Variants in NCR1 observed in about 807,000 individuals in gnomAD.
NCR1 encodes the protein natural cytotoxicity triggering receptor 1, also known as NK cell-activating receptor.
A neutral mutation model predicts 32.5 loss-of-function variants in NCR1; 30 were observed. The observed-to-expected ratio is 0.92, with a 90% confidence interval of 0.69 to 1.25. NCR1 has a LOEUF of 1.25. NCR1 is among the 50% of genes most tolerant of loss of function. The pLI is 0.00. For synonymous variants in NCR1, 169 were observed against 143.4 expected, an observed-to-expected ratio of 1.18 and a Z score of -1.28; for missense variants, 369 against 380.7, an observed-to-expected ratio of 0.97 and a Z score of 0.26.
upstream of NCR1, among the ~76,000 whole-genome samples, chr19:54,903,343 CATAT>C (rs917627256): frequency 9.1e-6 from 1 of 109,884 alleles, no homozygotes; most frequent in African/African-American, 4.4e-5. Flanking sequence ...TATGTATATA[CATAT>C]ATGCATATAT....
chr19:54,920,360 A>T (rs1242719183), downstream of NCR1, among the ~76,000 whole-genome samples: 1 of 152,162 alleles, frequency 6.6e-6, no homozygotes, highest in Non-Finnish European at 1.5e-5. Flanking sequence ...GCTGCTATAC[A>T]TCACGTGATA....
downstream of NCR1, chr19:54,916,181 G>C (rs1051805376): frequency 2.0e-5 from 3 of 152,010 alleles, no homozygotes; most frequent in Non-Finnish European, 4.4e-5. Flanking sequence ...GAAACACCAA[G>C]GGCCTGGAAC....
the NCR1 span, among the ~76,000 whole-genome samples, chr19:54,922,811 CAG>C: frequency 0.11 from 14,587 of 138,316 alleles, 954 homozygotes; most frequent in Middle Eastern, 0.26. Context: ...AACGAAAGAA[CAG>C]AGAGACACAT....
the NCR1 span, among the ~76,000 whole-genome samples, chr19:54,935,494 G>A: frequency 5.5e-4 from 84 of 152,142 alleles, no homozygotes; most frequent in Middle Eastern, 3.4e-3. Flanking sequence ...TCAGGAGTTC[G>A]AGACCAGCCT....
chr19:54,933,473 T>G, the NCR1 span: 2 of 1,490,212 alleles, frequency 1.3e-6, no homozygotes, highest in Non-Finnish European at 1.9e-6. Context: ...CTTACCAGGT[T>G]TTTAAAAGTT....
chr19:54,927,761 G>A, the NCR1 span: 6 of 1,613,890 alleles, frequency 3.7e-6, no homozygotes, highest in African/African-American at 4.0e-5. Context: ...AGGCATGAGG[G>A]AGCAGCTCCA....
rs1321191576 is a variant in NCR1 at position 54,912,723 on chromosome 19, TC to T, written c.769del (p.Leu257PhefsTer8). 6.3e-7 allele frequency: 1 copy of T among 1,588,542 alleles called. No individual in the cohort carries two copies. Among genetic ancestry groups the T allele is most frequent in the Admixed American group, 1.7e-5 (1 of 58,994 alleles). On this transcript the variant is annotated frameshift_variant, in exon 7 of 7. Coordinates refer to ENST00000291890, the MANE Select transcript of NCR1 (RefSeq NM_004829.7). LOFTEE classifies it low-confidence loss of function (END_TRUNC). Reference protein sequence around the residue: ...HALWDHTAQNLLRMGLAFLVL... With the variant: ...HALWDHTAQNXLRMGLAFLVL... ...CTCTGGGATCACACTGCCCAGAATC[TC>T]CTTCGGATGGGCCTGGCCTTTCTAG...
Position 54,906,657 on chromosome 19 carries a change from G to A in NCR1, c.205G>A (p.Val69Met), listed in dbSNP as rs759907409. 9.9e-6 allele frequency: 16 copies of A among 1,614,022 alleles called. No individual in the cohort carries two copies. Among genetic ancestry groups the A allele is most frequent in the South Asian group, 5.5e-5 (5 of 91,088 alleles). ...QLHFEGSLFA[V>M]DRPKPPERIN... is the part of the protein sequence containing the mutation. ...GCACTTTGAAGGAAGCCTTTTTGCC[G>A]TGGACAGACCAAAACCCCCTGAGCG... is the stretch of plus-strand genomic sequence containing the variant. The change falls in exon 3 of 7, where the codon GTG (valine) becomes ATG (methionine). Residue 69 changes from valine to methionine, a missense_variant. Coordinates refer to ENST00000291890, the MANE Select transcript of NCR1 (RefSeq NM_004829.7).
the NCR1 span, among the ~76,000 whole-genome samples, chr19:54,935,275 G>A: frequency 1.3e-5 from 2 of 151,914 alleles, no homozygotes; most frequent in African/African-American, 2.4e-5. Context: ...TGTTGCCCAG[G>A]CTGGAGTGCA....
At chr19:54,922,221 C>T in the NCR1 span, among the ~76,000 whole-genome samples, 3 of 152,214 alleles carry the variant, frequency 2.0e-5, no homozygotes, top group South Asian at 2.1e-4. Context: ...TCATCACCTA[C>T]CGCAAGCGTG....
chr19:54,921,949 T>C, the NCR1 span, among the ~76,000 whole-genome samples: 3,444 of 151,210 alleles, frequency 0.023, 113 homozygotes, highest in African/African-American at 0.078. Flanking sequence ...CAGGCTGGAG[T>C]GCAGTGGCAC....
chr19:54,934,053 G>C, the NCR1 span, among the ~76,000 whole-genome samples: 44,211 of 152,086 alleles, frequency 0.29, 6,817 homozygotes, highest in East Asian at 0.4. The surrounding 1 kb of genome is among the most constrained non-coding windows in gnomAD (Gnocchi z 6.7). Context: ...ACACCATTCT[G>C]CTGACTCAGC....
the NCR1 span, among the ~76,000 whole-genome samples, chr19:54,931,766 C>T: frequency 6.6e-6 from 1 of 151,710 alleles, no homozygotes; most frequent in African/African-American, 2.4e-5. Context: ...AGGAGAATTA[C>T]TTGAACCCAG....
At chr19:54,923,625 C>T in the NCR1 span, 38 of 1,217,664 alleles carry the variant, frequency 3.1e-5, no homozygotes, top group South Asian at 4.0e-4. Flanking sequence ...AGTGTCAAAT[C>T]CTACCTCTCG....
At chr19:54,936,507 C>T in the NCR1 span, 5 of 1,277,922 alleles carry the variant, frequency 3.9e-6, no homozygotes, top group South Asian at 6.0e-5. Flanking sequence ...AAACAAAAAG[C>T]TGTTTCACAT....
chr19:54,923,884 A>G, the NCR1 span: 1 of 1,611,368 alleles, frequency 6.2e-7, no homozygotes, highest in Non-Finnish European at 8.5e-7. Context: ...TGGAGGGATC[A>G]GAGAACACAA....
chr19:54,900,897 G>A, the NCR1 span, among the ~76,000 whole-genome samples: 8 of 152,074 alleles, frequency 5.3e-5, no homozygotes, highest in South Asian at 1.5e-3. Flanking sequence ...CACCAACTCC[G>A]TGAATACCAC....
At chr19:54,919,380 A>T (rs978018683), downstream of NCR1, among the ~76,000 whole-genome samples, 1 of 152,264 alleles carries the variant, frequency 6.6e-6, no homozygotes, top group Non-Finnish European at 1.5e-5. Context: ...AGGTAAGGTC[A>T]CGTGGGTCAC....
chr19:54,934,353 C>A, the NCR1 span: 1 of 879,164 alleles, frequency 1.1e-6, no homozygotes, highest in Non-Finnish European at 1.9e-6. This position sits in a 1 kb window ranked among gnomAD's most constrained non-coding sequence, Gnocchi z 6.7. Flanking sequence ...AGGCAGGAGC[C>A]ACCGTGCCGG....
Sources: allele counts gnomAD v4.1 joint callset (sites outside exome capture counted in the v4.1 genomes callset), GRCh38; gene constraint gnomAD v4.1.1; non-coding constraint Gnocchi (gnomAD v3.1); transcripts MANE v1.5; gene names NCBI Gene and HGNC (gene_info 2026-07-23, HGNC 2026-07-21).